Variants in LRBA observed in about 807,000 individuals in gnomAD.
The protein encoded by LRBA is lipopolysaccharide-responsive and beige-like anchor protein.
Under a neutral mutation model 330.0 loss-of-function variants are expected in LRBA, and 176 were observed. The ratio of observed to expected loss-of-function variants is 0.53; its 90% CI spans 0.47 to 0.60. LRBA has a LOEUF of 0.60. Among genes scored for constraint, LRBA ranks in the 20% least tolerant of loss-of-function variants. The probability of loss-of-function intolerance (pLI) is 0.00; values close to 1 mark genes in which losing one functional copy is unlikely to be tolerated. For missense variants in LRBA, 3,259 were observed against 3,444.8 expected (o/e 0.95, Z 1.35); for synonymous variants, 1,230 against 1,193.0 (o/e 1.03, Z -0.64).
chr4:150,592,856 C>T (rs1485693061), intron 38 of LRBA, among the ~76,000 whole-genome samples: 1 of 152,096 alleles, frequency 6.6e-6, no homozygotes, highest in East Asian at 1.9e-4. Flanking sequence ...TGATCTCTAA[C>T]TACTGGGCTC....
At chr4:150,670,382 T>G (rs954906063) in intron 37 of LRBA, among the ~76,000 whole-genome samples, 9 of 152,244 alleles carry the variant, frequency 5.9e-5, no homozygotes, top group African/African-American at 2.2e-4. Flanking sequence ...ATAATGTTGC[T>G]CAAATTGTCA....
At chr4:150,577,071 G>T (rs1213387835) in intron 40 of LRBA, among the ~76,000 whole-genome samples, 1 of 151,934 alleles carries the variant, frequency 6.6e-6, no homozygotes, top group Non-Finnish European at 1.5e-5. Flanking sequence ...GGTTATTTTA[G>T]ATTGATTCCA....
At chr4:150,455,337 G>A (rs1422640707) in intron 44 of LRBA, among the ~76,000 whole-genome samples, 7 of 151,740 alleles carry the variant, frequency 4.6e-5, no homozygotes, top group Non-Finnish European at 7.4e-5. Flanking sequence ...GCACACATAT[G>A]TTTATTGCGG....
intron 36 of LRBA, among the ~76,000 whole-genome samples, chr4:150,693,830 A>G (rs1310869668): frequency 6.6e-6 from 1 of 152,070 alleles, no homozygotes; most frequent in Non-Finnish European, 1.5e-5. Context: ...GTTTTTTAAG[A>G]AATAGGTTAT....
chr4:150,644,031 T>C (rs1778915684), intron 37 of LRBA, among the ~76,000 whole-genome samples: 1 of 151,928 alleles, frequency 6.6e-6, no homozygotes, highest in Non-Finnish European at 1.5e-5. Context: ...CATATAGCCA[T>C]ACCACATTTT....
At chr4:150,590,649 G>A in intron 39 of LRBA, 64 bp downstream of exon 39, 2 of 1,470,578 alleles carry the variant, frequency 1.4e-6, no homozygotes, top group Non-Finnish European at 1.9e-6. Context: ...AGCTGAAAAA[G>A]TAAGTAATTA....
chr4:150,383,942 G>A (rs1441753574), intron 47 of LRBA, among the ~76,000 whole-genome samples: 1 of 152,040 alleles, frequency 6.6e-6, no homozygotes, highest in Non-Finnish European at 1.5e-5. Context: ...AATATATGTA[G>A]CTTTAAAAGC....
chr4:150,659,159 T>C (rs1342568422), intron 37 of LRBA, among the ~76,000 whole-genome samples: 12 of 113,304 alleles, frequency 1.1e-4, no homozygotes, highest in South Asian at 3.2e-4. Context: ...AAGGGAGGAG[T>C]GTCTCTGCCT....
chr4:150,293,973 A>G (rs1401700932), intron 53 of LRBA, among the ~76,000 whole-genome samples: 1 of 152,250 alleles, frequency 6.6e-6, no homozygotes, highest in African/African-American at 2.4e-5. Flanking sequence ...TATGATACAT[A>G]TAACATACAA....
Position 150,653,251 on chromosome 4 carries a change from T to C in LRBA, c.5921+30300A>G, listed in dbSNP as rs539355664. 3.4e-4 allele frequency among the ~76,000 whole-genome samples: 52 copies of C among 152,332 alleles called. No individual in the cohort carries two copies. In the South Asian group the frequency reaches 7.5e-3, roughly 22 times the overall value. On this transcript the variant is annotated intron_variant, in intron 37 of 56. Coordinates refer to ENST00000651943, the MANE Select transcript of LRBA (RefSeq NM_001364905.1). ...CATATAGAAAAATGAGATAAACATA[T>C]GATTCTCAAAATATTAGGTTTTTGA...
At chr4:150,796,645 T>C (rs961046814) in intron 34 of LRBA, among the ~76,000 whole-genome samples, 1 of 151,950 alleles carries the variant, frequency 6.6e-6, no homozygotes, top group Non-Finnish European at 1.5e-5. Context: ...GCTCCTAACA[T>C]TAAAATATGC....
chr4:150,451,076 A>C (rs1469594258), intron 44 of LRBA, among the ~76,000 whole-genome samples: 1 of 152,158 alleles, frequency 6.6e-6, no homozygotes, highest in Admixed American at 6.5e-5. Flanking sequence ...AAAAACTAAC[A>C]GAACTGAAAG....
chr4:150,626,141 G>C (rs574062767), intron 37 of LRBA, among the ~76,000 whole-genome samples: 2 of 152,088 alleles, frequency 1.3e-5, no homozygotes, highest in African/African-American at 4.8e-5. Context: ...GGAAACTTGG[G>C]TATTTAACAC....
intron 37 of LRBA, among the ~76,000 whole-genome samples, chr4:150,645,763 T>C (rs1779069935): frequency 6.6e-6 from 1 of 151,936 alleles, no homozygotes; most frequent in Non-Finnish European, 1.5e-5. Flanking sequence ...TTTATCTGTG[T>C]GAAAACATAT....
chr4:150,383,284 T>C (rs912871246), intron 47 of LRBA, among the ~76,000 whole-genome samples: 1 of 152,204 alleles, frequency 6.6e-6, no homozygotes, highest in Non-Finnish European at 1.5e-5. Flanking sequence ...TCTCGCTTTG[T>C]CACCCAGGCT....
intron 2 of LRBA, among the ~76,000 whole-genome samples, chr4:150,963,366 T>C (rs1375831057): frequency 6.7e-6 from 1 of 149,516 alleles, no homozygotes; most frequent in African/African-American, 2.6e-5. Context: ...TCGTATTTTT[T>C]GGTGGAGACG....
At chr4:150,901,504 T>C (rs796912821) in intron 13 of LRBA, among the ~76,000 whole-genome samples, 1 of 152,180 alleles carries the variant, frequency 6.6e-6, no homozygotes, top group Admixed American at 6.5e-5. Flanking sequence ...AAACTACTGA[T>C]CATTTATAAC....
At chr4:151,012,075 T>C (rs575828010) in intron 2 of LRBA, among the ~76,000 whole-genome samples, 100 of 152,090 alleles carry the variant, frequency 6.6e-4, no homozygotes, top group Non-Finnish European at 1.2e-3. Flanking sequence ...TACCTAATAT[T>C]CTCAGCAACT....
intron 31 of LRBA, among the ~76,000 whole-genome samples, chr4:150,813,314 T>G (rs1744063807): frequency 1.3e-5 from 2 of 152,080 alleles, no homozygotes; most frequent in African/African-American, 2.4e-5. Flanking sequence ...AACATGCATA[T>G]ACAAGGATAT....
Sources: gnomAD v4.1 joint callset for allele counts (sites outside exome capture counted in the v4.1 genomes callset) on GRCh38, gnomAD v4.1.1 for gene constraint, MANE v1.5 for transcripts, NCBI Gene and HGNC (gene_info 2026-07-23, HGNC 2026-07-21) for gene names.